Variants in TRIM6 observed in about 807,000 individuals in gnomAD.
The protein encoded by TRIM6 is tripartite motif-containing protein 6.
Under a neutral mutation model 51.2 loss-of-function variants are expected in TRIM6, and 43 were observed. That is an observed-to-expected ratio of 0.84 (90% confidence interval 0.66 to 1.08). TRIM6 has a LOEUF of 1.08. Among genes scored for constraint, TRIM6 ranks in the 50% least tolerant of loss-of-function variants. The pLI, the probability that TRIM6 is intolerant of heterozygous loss-of-function variation, is 0.00. For missense variants in TRIM6, 669 were observed against 619.0 expected (o/e 1.08, Z -0.86); for synonymous variants, 215 against 232.4 (o/e 0.93, Z 0.68).
At chr11:5,601,217 C>T (rs1366483556) in intron 1 of TRIM6, among the ~76,000 whole-genome samples, 1 of 152,176 alleles carries the variant, frequency 6.6e-6, no homozygotes, top group Non-Finnish European at 1.5e-5. Context: ...CAGCCTTTAC[C>T]ACTGACTGTC....
chr11:5,596,907 T>TACAA lies in TRIM6; in HGVS notation c.10_11insACAA (p.Ser4TyrfsTer97), dbSNP rs774423976. On this transcript the variant is annotated frameshift_variant, in exon 1 of 8. Transcript: ENST00000380097. LOFTEE classifies it high-confidence loss of function. ...GCTTCTCATTCCCCAGATGTGCGGG[T>TACAA]CAGAGAGGTATGTCTACCGTTCTGT... 1 of 1,614,052 alleles carries TACAA rather than the reference T, an allele frequency of 6.2e-7. No homozygotes were observed. The highest frequency in any genetic ancestry group is 1.3e-5 in the African/African-American group (1 of 75,016).
At chr11:5,598,047 G>A (rs899264652) in intron 1 of TRIM6, among the ~76,000 whole-genome samples, 3 of 152,144 alleles carry the variant, frequency 2.0e-5, no homozygotes, top group Non-Finnish European at 4.4e-5. Flanking sequence ...GATTTAATTG[G>A]TCCCACCTGG....
In TRIM6 at chr11:5,611,475, A is replaced by T; in HGVS notation, c.*133A>T. 1 of 837,534 alleles carries T rather than the reference A, an allele frequency of 1.2e-6. No homozygotes were observed. Among genetic ancestry groups the T allele is most frequent in the Non-Finnish European group, 1.9e-6 (1 of 534,192 alleles). The allele number at this position is 837,534 out of a possible 1,614,324, so 51.9% of individuals were successfully genotyped here. A position where few individuals can be genotyped will look rare whatever the true frequency, so the allele number is the denominator to read the frequency against. On this transcript the variant is annotated 3_prime_UTR_variant, in exon 8 of 8. Coordinates refer to ENST00000380097, the MANE Select transcript of TRIM6 (RefSeq NM_001003818.3). ...TTTTGGTTTTTGAATCTTTTTTGAG[A>T]TGGAATCTCGCTCTGTCGCCCAGGC...
At chr11:5,602,769 C>T (rs1157859061) in intron 1 of TRIM6, among the ~76,000 whole-genome samples, 4 of 151,526 alleles carry the variant, frequency 2.6e-5, no homozygotes, top group Non-Finnish European at 5.9e-5. Context: ...CCCTGGCTAA[C>T]ATGGTGAAAC....
chr11:5,603,916 A>G (rs772734161), intron 2 of TRIM6, among the ~76,000 whole-genome samples, 181 bp downstream of exon 2: 6 of 152,016 alleles, frequency 3.9e-5, no homozygotes, highest in Non-Finnish European at 7.4e-5. Flanking sequence ...GATTGAGTAG[A>G]TAGAGCTGCT....
Position 5,605,404 on chromosome 11 carries a change from G to A in TRIM6, c.671G>A (p.Arg224Lys), listed in dbSNP as rs766403588. Residue 224 changes from arginine (R) to lysine (K), a missense_variant, in exon 4 of 8, where the codon AGA (arginine) becomes AAA (lysine). By Grantham distance (26) the Arg-to-Lys change is conservative. Coordinates refer to ENST00000380097, the MANE Select transcript of TRIM6 (RefSeq NM_001003818.3). ...AATCAGCTGCGAAATATCCTAGACA[G>A]AGTGGAGCAACGGGAGCTGAAAAAG... ...EFNQLRNILD[R>K]VEQRELKKLE... The A allele has an allele frequency of 6.2e-7, 1 of 1,614,184 alleles. No individual in the cohort carries two copies. Among genetic ancestry groups the A allele is most frequent in the East Asian group, 2.2e-5 (1 of 44,882 alleles).
chr11:5,602,046 G>A (rs1419488885), intron 1 of TRIM6, among the ~76,000 whole-genome samples: 7 of 152,140 alleles, frequency 4.6e-5, no homozygotes, highest in Non-Finnish European at 4.4e-5. Context: ...CTCTATGCTA[G>A]CTGCCGAAGA....
chr11:5,610,014 T>G (rs1273580286), intron 5 of TRIM6, 131 bp from the exon 6 acceptor site: 1 of 860,706 alleles, frequency 1.2e-6, no homozygotes, highest in Non-Finnish European at 1.8e-6. Context: ...CAGGGCTGTT[T>G]GCAGAATGAT....
At chr11:5,605,619 A>C (rs1370104442) in intron 4 of TRIM6, 52 bp downstream of exon 4, 1 of 1,544,566 alleles carries the variant, frequency 6.5e-7, no homozygotes, top group Non-Finnish European at 8.7e-7. Flanking sequence ...AGAGAAACTA[A>C]CTTTCCTTCC....
In TRIM6 at chr11:5,611,273, T is replaced by G. The variant is rs148858378; in HGVS notation, c.1482T>G (p.Thr494=). The change falls in exon 8 of 8, where the codon ACT becomes ACG. Residue 494 remains threonine (T), a synonymous_variant. Coordinates refer to ENST00000380097, the MANE Select transcript of TRIM6 (RefSeq NM_001003818.3). ...IYTFSKYYFP[T]TLCPYFNPCN... is the part of the protein sequence containing the mutation. Reference sequence around the variant, plus strand: ...CTTTCTCTAAATATTACTTTCCCACTACTCTTTGTCCATATTTTAATCCTT... The same window carrying G: ...CTTTCTCTAAATATTACTTTCCCACGACTCTTTGTCCATATTTTAATCCTT... 103 of 1,613,998 alleles carry G rather than the reference T, an allele frequency of 6.4e-5. No homozygotes were observed. Among genetic ancestry groups the G allele is most frequent in the Admixed American group, 8.3e-5 (5 of 60,002 alleles).
chr11:5,602,410 T>G lies in TRIM6; in HGVS notation c.18-836T>G, dbSNP rs983357026. ...GTGAGTCGAGATCACGCCACTGCAC[T>G]CCAGCCTGGGCGACAGAGCAAGACC... On this transcript the variant is annotated intron_variant, in intron 1 of 7. Coordinates refer to ENST00000380097, the MANE Select transcript of TRIM6 (RefSeq NM_001003818.3). Among the ~76,000 whole-genome samples, 4 of 151,636 alleles carry G rather than the reference T, an allele frequency of 2.6e-5. 1 individual carries two copies. The highest frequency in any genetic ancestry group is 5.9e-5 in the Non-Finnish European group (4 of 67,858).
chr11:5,606,702 C>A (rs1042529429), intron 4 of TRIM6, among the ~76,000 whole-genome samples: 2 of 152,158 alleles, frequency 1.3e-5, no homozygotes, highest in Non-Finnish European at 2.9e-5. Flanking sequence ...GGCTCCTCAA[C>A]AGTCCTCAAA....
At chr11:5,602,263 A>T (rs183278924) in intron 1 of TRIM6, among the ~76,000 whole-genome samples, 79 of 144,888 alleles carry the variant, frequency 5.5e-4, no homozygotes, top group African/African-American at 1.9e-3. Context: ...ACACAGTGAA[A>T]CCTCATCTCT....
intron 4 of TRIM6, among the ~76,000 whole-genome samples, chr11:5,607,853 A>G (rs1848319052): frequency 6.6e-6 from 1 of 152,146 alleles, no homozygotes; most frequent in African/African-American, 2.4e-5. Flanking sequence ...AATCATAAGG[A>G]AAGGGGGCTG....
intron 4 of TRIM6, among the ~76,000 whole-genome samples, chr11:5,607,371 C>G (rs1313702336): frequency 2.6e-5 from 4 of 152,168 alleles, no homozygotes; most frequent in Non-Finnish European, 5.9e-5. Flanking sequence ...TGCAAATTGA[C>G]ACACACAGCA....
rs1848361974 is a variant in TRIM6, at chr11:5,608,522, C to G, written c.857+128C>G. On this transcript the variant is annotated intron_variant, in intron 5 of 7. Transcript: ENST00000380097. ...AAGAGAGTAGTCTTGAATCGCGCAT[C>G]ACATGGAGTTTTGGCATCCCCAAAT... 2.8e-6 allele frequency: 4 copies of G among 1,410,974 alleles called. No homozygotes were observed. In the South Asian group the frequency reaches 5.7e-5, roughly 20 times the overall value. 87.4% of individuals were successfully genotyped at this position (1,410,974 alleles called of 1,614,324 possible).
At chr11:5,608,699 A>C (rs1401161906) in intron 5 of TRIM6, among the ~76,000 whole-genome samples, 1 of 150,740 alleles carries the variant, frequency 6.6e-6, no homozygotes, top group African/African-American at 2.4e-5. Flanking sequence ...TCAAACAAAC[A>C]AAAAAAAATG....
In TRIM6 at chr11:5,611,696, A is replaced by G. The variant is rs986881148; in HGVS notation, c.*354A>G. 9.1e-6 allele frequency: 2 copies of G among 219,414 alleles called. No homozygotes were observed. Among genetic ancestry groups the G allele is most frequent in the Admixed American group, 5.2e-5 (1 of 19,180 alleles). The allele number at this position is 219,414 out of a possible 1,614,324, so 13.6% of individuals were successfully genotyped here. ...TCGAACTCCTGACCGCAAGTGATCC[A>G]CCCGCCTCGGTCTCCCAAAGTGCTG... On this transcript the variant is annotated 3_prime_UTR_variant, in exon 8 of 8. Transcript: ENST00000380097.
intron 4 of TRIM6, 34 bp downstream of exon 4, chr11:5,605,601 C>A: frequency 6.3e-7 from 1 of 1,578,972 alleles, no homozygotes; most frequent in South Asian, 1.2e-5. Context: ...ATCTGAGAGT[C>A]AAGGAAAAGA....
Sources: allele counts gnomAD v4.1 joint callset (sites outside exome capture counted in the v4.1 genomes callset), GRCh38; gene constraint gnomAD v4.1.1; transcripts MANE v1.5; gene names NCBI Gene and HGNC (gene_info 2026-07-23, HGNC 2026-07-21).